EYA2: variants seen among roughly 807,000 people sequenced by gnomAD.
EYA2 encodes the protein EYA transcriptional coactivator and phosphatase 2, also known as protein phosphatase EYA2.
EYA2 carries 31 observed loss-of-function variants against 69.2 expected under a neutral mutation model. The observed-to-expected ratio is 0.45, with a 90% CI of 0.34 to 0.60. EYA2 has a LOEUF of 0.60. Among genes scored for constraint, EYA2 ranks in the 20% least tolerant of loss-of-function variants. The pLI is 0.02. For missense variants in EYA2, 622 were observed against 701.2 expected (o/e 0.89, Z 1.28); for synonymous variants, 257 against 279.4 (o/e 0.92, Z 0.80).
chr20:46,962,317 G>A (rs1014051561), intron 1 of EYA2, among the ~76,000 whole-genome samples: 15 of 152,120 alleles, frequency 9.9e-5, no homozygotes, highest in South Asian at 2.1e-4. Context: ...ATGAGCGACC[G>A]TGCCCAGTCA....
At chr20:47,000,168 T>C (rs948339769) in intron 2 of EYA2, among the ~76,000 whole-genome samples, 1 of 152,232 alleles carries the variant, frequency 6.6e-6, no homozygotes, top group Non-Finnish European at 1.5e-5. Flanking sequence ...AGGGTACTTA[T>C]GAGGATTAAA....
intron 2 of EYA2, among the ~76,000 whole-genome samples, chr20:46,994,174 C>T (rs1387282301): frequency 1.3e-5 from 2 of 152,188 alleles, no homozygotes; most frequent in Non-Finnish European, 2.9e-5. Context: ...TCATTTTCTA[C>T]ATTTGCATCG....
chr20:47,027,144 G>A (rs1213529430), intron 5 of EYA2, among the ~76,000 whole-genome samples: 2 of 152,266 alleles, frequency 1.3e-5, no homozygotes, highest in Non-Finnish European at 2.9e-5. Context: ...GTATGTTTCA[G>A]AGAACTTGAG....
At chr20:46,927,538 G>T (rs946834676) in intron 1 of EYA2, among the ~76,000 whole-genome samples, 2 of 151,720 alleles carry the variant, frequency 1.3e-5, no homozygotes, top group African/African-American at 4.9e-5. Context: ...AGGCAAAAGG[G>T]CACATCTTAC....
chr20:46,963,018 C>T (rs1296619411), intron 1 of EYA2, among the ~76,000 whole-genome samples: 2 of 151,656 alleles, frequency 1.3e-5, no homozygotes, highest in Non-Finnish European at 2.9e-5. Context: ...CCTCGCTCTA[C>T]CCCTCCACCC....
At chr20:47,077,582 G>A (rs2031562613) in intron 7 of EYA2, among the ~76,000 whole-genome samples, 1 of 152,184 alleles carries the variant, frequency 6.6e-6, no homozygotes, top group African/African-American at 2.4e-5. Context: ...TGTTCCTGGG[G>A]TTCTTGGTGT....
intron 1 of EYA2, among the ~76,000 whole-genome samples, chr20:46,976,663 G>T (rs1980484415): frequency 6.6e-6 from 1 of 152,164 alleles, no homozygotes; most frequent in African/African-American, 2.4e-5. Flanking sequence ...GGGATTACAG[G>T]CGTGAGCCAC....
At chr20:46,916,926 T>G (rs145667730) in intron 1 of EYA2, among the ~76,000 whole-genome samples, 102 of 152,302 alleles carry the variant, frequency 6.7e-4, no homozygotes, top group African/African-American at 2.2e-3. Context: ...GAAAAATATA[T>G]AGAGAGATAA....
At chr20:47,102,080 A>C (rs2032438543) in intron 9 of EYA2, among the ~76,000 whole-genome samples, 1 of 152,248 alleles carries the variant, frequency 6.6e-6, no homozygotes, top group Non-Finnish European at 1.5e-5. Context: ...GGCTGGATCC[A>C]GATGTTTAAG....
At chr20:46,910,581 A>T (rs1226314768) in intron 1 of EYA2, among the ~76,000 whole-genome samples, 3 of 152,210 alleles carry the variant, frequency 2.0e-5, no homozygotes, top group African/African-American at 7.2e-5. Context: ...CAGGATCACT[A>T]GGAGTAGAAG....
chr20:46,968,048 T>G (rs1348748375), intron 1 of EYA2, among the ~76,000 whole-genome samples: 7 of 152,210 alleles, frequency 4.6e-5, no homozygotes, highest in Non-Finnish European at 8.8e-5. Flanking sequence ...GATGGAGATA[T>G]TCCTCTGAGA....
intron 8 of EYA2, among the ~76,000 whole-genome samples, chr20:47,093,847 C>T (rs1371551361): frequency 2.0e-5 from 3 of 152,244 alleles, no homozygotes; most frequent in Non-Finnish European, 4.4e-5. Flanking sequence ...CTCGCTGAGT[C>T]ACGCAGGCCT....
intron 2 of EYA2, among the ~76,000 whole-genome samples, chr20:46,997,177 G>C (rs937581291): frequency 2.6e-5 from 4 of 151,818 alleles, no homozygotes; most frequent in East Asian, 1.9e-4. Flanking sequence ...CTGGGCAAAG[G>C]TCTGGGCAGC....
intron 5 of EYA2, among the ~76,000 whole-genome samples, chr20:47,027,449 C>A (rs146293435): frequency 1.3e-5 from 2 of 152,364 alleles, no homozygotes; most frequent in Non-Finnish European, 2.9e-5. Context: ...CCCTGTGCAA[C>A]ACCTCCAGCC....
At chr20:47,084,436 G>A (rs1333410430) in intron 7 of EYA2, among the ~76,000 whole-genome samples, 1 of 152,178 alleles carries the variant, frequency 6.6e-6, no homozygotes, top group African/African-American at 2.4e-5. Flanking sequence ...AGCTACTCAG[G>A]AGGCTGAGGC....
intron 1 of EYA2, among the ~76,000 whole-genome samples, chr20:46,986,328 CTA>C (rs982665824): frequency 3.3e-5 from 4 of 121,886 alleles, no homozygotes; most frequent in African/African-American, 5.9e-5. Context: ...TATAATATCT[CTA>C]TATATCTAAT....
chr20:47,172,982 C>T, intron 12 of EYA2, 115 bp downstream of exon 12: 17 of 1,146,180 alleles, frequency 1.5e-5, no homozygotes, highest in Non-Finnish European at 2.1e-5. Flanking sequence ...CAGTACCAGC[C>T]CACTTAATGC....
chr20:47,144,472 C>G (rs192207071), intron 10 of EYA2, among the ~76,000 whole-genome samples: 1 of 152,112 alleles, frequency 6.6e-6, no homozygotes, highest in African/African-American at 2.4e-5. Flanking sequence ...TCCCTGGGGA[C>G]TAAACTGAAG....
chr20:47,076,709 G>T (rs2031531315), intron 7 of EYA2, among the ~76,000 whole-genome samples: 1 of 152,124 alleles, frequency 6.6e-6, no homozygotes, highest in African/African-American at 2.4e-5. Flanking sequence ...ATGTACAGGG[G>T]TTTAGAGCTA....
Sources: allele counts gnomAD v4.1 joint callset (sites outside exome capture counted in the v4.1 genomes callset), GRCh38; gene constraint gnomAD v4.1.1; transcripts MANE v1.5; gene names NCBI Gene and HGNC (gene_info 2026-07-23, HGNC 2026-07-21).